IZUMO2: variants seen among roughly 807,000 people sequenced by gnomAD.
IZUMO2 encodes IZUMO family member 2.
Under a neutral mutation model 31.2 loss-of-function variants are expected in IZUMO2, and 24 were observed. The observed-to-expected ratio is 0.77, with a 90% CI of 0.56 to 1.08. The LOEUF (loss-of-function observed/expected upper bound fraction) is 1.08, where lower values mean the gene tolerates loss of function less well. Ranked by LOEUF, IZUMO2 falls within the 50% of genes least tolerant of loss-of-function variation. The probability of loss-of-function intolerance (pLI) is 0.00; values close to 1 mark genes in which losing one functional copy is unlikely to be tolerated. For synonymous variants in IZUMO2, 144 were observed against 117.3 expected (o/e 1.23, Z -1.47); for missense variants, 278 against 274.0 (o/e 1.01, Z -0.10).
intron 4 of IZUMO2, 44 bp downstream of exon 4, chr19:50,159,186 G>C: frequency 6.3e-7 from 1 of 1,597,380 alleles, no homozygotes; most frequent in Non-Finnish European, 8.5e-7. Flanking sequence ...GGTGAAGGGG[G>C]TTAGGAGGGT....
rs903558239 is a variant in IZUMO2, at chr19:50,154,285, T to G, written c.623+315A>C. On this transcript the variant is annotated intron_variant, in intron 6 of 6. Coordinates refer to ENST00000293405, the MANE Select transcript of IZUMO2 (RefSeq NM_152358.3). ...TAGCGTTTTTTTTTTTTTTTTTTTTTTTTTTTTTTTTTAATGTAAGAAGAG... is the reference window on the plus strand; with the variant it reads ...TAGCGTTTTTTTTTTTTTTTTTTTTGTTTTTTTTTTTTAATGTAAGAAGAG... 9.8e-4 allele frequency among the ~76,000 whole-genome samples: 139 copies of G among 141,446 alleles called. 5 individuals are homozygous for G. The highest frequency in any genetic ancestry group is 4.2e-3 in the South Asian group (17 of 4,094). The allele number at this position is 141,446 out of a possible 152,430, so 92.8% of individuals were successfully genotyped here.
intron 6 of IZUMO2, 128 bp from the exon 7 acceptor site, chr19:50,152,779 T>C (rs752478181): frequency 4.1e-5 from 32 of 789,648 alleles, no homozygotes; most frequent in Non-Finnish European, 6.8e-5. Flanking sequence ...TCCAGTGACG[T>C]CATGGGCATC....
chr19:50,154,460 G>T, intron 6 of IZUMO2, 140 bp downstream of exon 6: 1 of 708,956 alleles, frequency 1.4e-6, no homozygotes, highest in Middle Eastern at 2.5e-4. Context: ...GAGAGAGACA[G>T]AGAGAAAAAG....
chr19:50,163,162 C>A lies in IZUMO2; in HGVS notation c.33G>T (p.Ser11=). ...CCCAGCCTCCGGGGGCGCCCAAGCC[C>A]GAGAGCAGCAGAAGGGTCAAAGCCA... MPLALTLLLL[S]GLGAPGGWGC... Residue 11 remains serine (S), a synonymous_variant, in exon 1 of 7, where the codon TCG becomes TCT. Transcript: ENST00000293405. 1.9e-6 allele frequency: 3 copies of A among 1,562,996 alleles called. No individual in the cohort carries two copies. Among genetic ancestry groups the A allele is most frequent in the East Asian group, 2.4e-5 (1 of 41,714 alleles).
intron 3 of IZUMO2, 58 bp downstream of exon 3, chr19:50,159,436 G>T: frequency 7.4e-7 from 1 of 1,351,564 alleles, no homozygotes; most frequent in Non-Finnish European, 1.1e-6. Flanking sequence ...AGTGGTAAAA[G>T]GGGATCAAGA....
At chr19:50,156,766 A>C (rs908374825) in intron 5 of IZUMO2, among the ~76,000 whole-genome samples, 1 of 146,848 alleles carries the variant, frequency 6.8e-6, no homozygotes, top group Non-Finnish European at 1.5e-5. Flanking sequence ...CTAAAAAAAC[A>C]AAACAAAACA....
intron 2 of IZUMO2, 57 bp from the exon 3 acceptor site, chr19:50,159,637 T>C: frequency 1.0e-6 from 1 of 967,146 alleles, no homozygotes; most frequent in East Asian, 2.4e-5. Flanking sequence ...CCCACCCCAC[T>C]ACCTGAAGCT....
intron 5 of IZUMO2, among the ~76,000 whole-genome samples, chr19:50,157,899 G>C (rs2030265498): frequency 6.8e-6 from 1 of 146,264 alleles, no homozygotes; most frequent in African/African-American, 2.6e-5. Flanking sequence ...CAGCCTGGGC[G>C]AGAATCCATA....
chr19:50,161,342 G>A (rs2030394212), intron 2 of IZUMO2, among the ~76,000 whole-genome samples: 1 of 151,864 alleles, frequency 6.6e-6, no homozygotes, highest in South Asian at 2.1e-4. Context: ...GGCTGGTCTT[G>A]AACTCCCAAC....
intron 5 of IZUMO2, 41 bp downstream of exon 5, chr19:50,158,227 G>T: frequency 7.5e-7 from 1 of 1,333,390 alleles, no homozygotes; most frequent in Non-Finnish European, 1.1e-6. Flanking sequence ...TTCATCTCTT[G>T]CACGCCTGTC....
chr19:50,154,296 T>TAATG (rs2030136203), intron 6 of IZUMO2, among the ~76,000 whole-genome samples: 1 of 129,688 alleles, frequency 7.7e-6, no homozygotes, highest in Admixed American at 7.8e-5. Context: ...TTTTTTTTTT[T>TAATG]TAATGTAAGA....
chr19:50,155,811 A>G (rs1214529653), intron 5 of IZUMO2, among the ~76,000 whole-genome samples: 2 of 152,142 alleles, frequency 1.3e-5, no homozygotes, highest in African/African-American at 4.8e-5. Context: ...TAAAAGCTCA[A>G]GTTCTCACCA....
chr19:50,154,522 C>A lies in IZUMO2; in HGVS notation c.623+78G>T, dbSNP rs1266244261. On this transcript the variant is annotated intron_variant, in intron 6 of 6. Transcript: ENST00000293405. ...AGGAGACTCCCAAAGTACACAGTGA[C>A]CCATCCAGGGGAGTCGCCATTTTTG... 4 of 1,313,138 alleles carry A rather than the reference C, an allele frequency of 3.0e-6. No homozygotes were observed. The African/African-American group carries it at 1.3e-4, about 43-fold the overall frequency. The allele number at this position is 1,313,138 out of a possible 1,614,324, so 81.3% of individuals were successfully genotyped here. A position where few individuals can be genotyped will look rare whatever the true frequency, so the allele number is the denominator to read the frequency against.
Position 50,163,273 on chromosome 19 carries a change from G to A in IZUMO2, c.-79C>T. On this transcript the variant is annotated 5_prime_UTR_variant, in exon 1 of 7. Transcript: ENST00000293405. ...CGAGGGCGCGGTCAGGAGGCCCAGGGAGCATCACGGTGTTACAGGCACGTG... is the reference window on the plus strand; with the variant it reads ...CGAGGGCGCGGTCAGGAGGCCCAGGAAGCATCACGGTGTTACAGGCACGTG... The A allele has an allele frequency of 9.7e-7, 1 of 1,028,158 alleles. No individual in the cohort carries two copies. The highest frequency in any genetic ancestry group is 2.6e-5 in the East Asian group (1 of 38,632). The allele number at this position is 1,028,158 out of a possible 1,614,324, so 63.7% of individuals were successfully genotyped here. A position where few individuals can be genotyped will look rare whatever the true frequency, so the allele number is the denominator to read the frequency against.
chr19:50,157,115 T>A (rs1286824908), intron 5 of IZUMO2, among the ~76,000 whole-genome samples: 1 of 152,130 alleles, frequency 6.6e-6, no homozygotes, highest in African/African-American at 2.4e-5. Context: ...ATGTTAATTG[T>A]TAACATAATT....
chr19:50,152,733 A>G (rs1215445866), intron 6 of IZUMO2, 82 bp from the exon 7 acceptor site: 2 of 1,185,910 alleles, frequency 1.7e-6, no homozygotes, highest in African/African-American at 1.5e-5. Context: ...TTCCCTCCCC[A>G]TAACTTTCCT....
At chr19:50,158,596 A>G (rs1183172952) in intron 4 of IZUMO2, among the ~76,000 whole-genome samples, 1 of 152,226 alleles carries the variant, frequency 6.6e-6, no homozygotes. Flanking sequence ...ATTTAATTAA[A>G]CATTTGTTAA....
chr19:50,159,697 A>C, intron 2 of IZUMO2, 117 bp from the exon 3 acceptor site: 1 of 671,402 alleles, frequency 1.5e-6, no homozygotes, highest in Non-Finnish European at 2.7e-6. Flanking sequence ...AGGGTAACCA[A>C]GACCAGGATT....
intron 6 of IZUMO2, 69 bp downstream of exon 6, chr19:50,154,531 G>C (rs1476016795): frequency 1.4e-6 from 2 of 1,404,924 alleles, no homozygotes; most frequent in East Asian, 2.5e-5. Flanking sequence ...ACCCATCCAG[G>C]GGAGTCGCCA....
Sources: gnomAD v4.1 joint callset for allele counts (sites outside exome capture counted in the v4.1 genomes callset) on GRCh38, gnomAD v4.1.1 for gene constraint, MANE v1.5 for transcripts, NCBI Gene and HGNC (gene_info 2026-07-23, HGNC 2026-07-21) for gene names.